FAM83B: variants seen among roughly 807,000 people sequenced by gnomAD.
FAM83B encodes the protein protein FAM83B.
In FAM83B, 26 loss-of-function variants were observed where a neutral mutation model predicts 38.8. The observed-to-expected ratio is 0.67, with a 90% CI of 0.49 to 0.93. The LOEUF (loss-of-function observed/expected upper bound fraction) is 0.93. Ranked by LOEUF, FAM83B falls within the 40% of genes least tolerant of loss-of-function variation. The pLI is 0.00. For synonymous variants in FAM83B, 419 were observed against 423.1 expected (o/e 0.99, Z 0.12); for missense variants, 1,237 against 1,197.3 (o/e 1.03, Z -0.49).
At chr6:54,895,311 T>C (rs1772503427) in intron 2 of FAM83B, among the ~76,000 whole-genome samples, 1 of 152,206 alleles carries the variant, frequency 6.6e-6, no homozygotes, top group Non-Finnish European at 1.5e-5. Context: ...TTGGGACAGA[T>C]TCAATAGCAT....
At chr6:54,889,858 T>G (rs576880030) in intron 2 of FAM83B, among the ~76,000 whole-genome samples, 2 of 152,254 alleles carry the variant, frequency 1.3e-5, no homozygotes, top group East Asian at 3.9e-4. Flanking sequence ...TAAGTACTCA[T>G]GGCTTTAAAG....
chr6:54,871,745 CAAAAAA>C (rs34323872), intron 2 of FAM83B, among the ~76,000 whole-genome samples: 237 of 29,008 alleles, frequency 8.2e-3, no homozygotes, highest in Non-Finnish European at 0.012. Flanking sequence ...CCTGTCTCAC[CAAAAAA>C]AAAAAAAAAA....
chr6:54,864,671 A>C (rs1172497462), intron 1 of FAM83B, among the ~76,000 whole-genome samples: 1 of 152,202 alleles, frequency 6.6e-6, no homozygotes, highest in Non-Finnish European at 1.5e-5. Flanking sequence ...TTCATGTTTT[A>C]ATTGTTATCT....
In FAM83B at chr6:54,940,947, T is replaced by C. The variant is rs1283645993; in HGVS notation, c.1976T>C (p.Leu659Pro). 2 of 1,613,376 alleles carry C rather than the reference T, an allele frequency of 1.2e-6. No individual in the cohort carries two copies. Among genetic ancestry groups the C allele is most frequent in the Admixed American group, 1.7e-5 (1 of 59,834 alleles). ...CTAAAGAATCAACAGACTGAGAATC[T>C]ACTTAAAAGGCGAAGTTTCCCGTTA... is the stretch of plus-strand genomic sequence containing the variant. ...ENLKNQQTEN[L>P]LKRRSFPLFD... The change falls in exon 5 of 5, where the codon CTA becomes CCA. Residue 659 changes from leucine to proline, a missense_variant. Leu to Pro is a moderately conservative substitution (Grantham distance 98). Coordinates refer to ENST00000306858, the MANE Select transcript of FAM83B (RefSeq NM_001010872.3).
chr6:54,865,065 G>A (rs959426203), intron 1 of FAM83B, among the ~76,000 whole-genome samples: 5 of 152,124 alleles, frequency 3.3e-5, no homozygotes, highest in African/African-American at 1.2e-4. Flanking sequence ...AAATTTTGAA[G>A]GTTTCAAAAT....
At chr6:54,850,852 C>G (rs940798695) in intron 1 of FAM83B, among the ~76,000 whole-genome samples, 1 of 151,810 alleles carries the variant, frequency 6.6e-6, no homozygotes. Flanking sequence ...AACGCCGTCT[C>G]TACTAAAAAT....
intron 2 of FAM83B, among the ~76,000 whole-genome samples, chr6:54,922,838 G>A (rs1773200893): frequency 1.3e-5 from 2 of 151,918 alleles, no homozygotes; most frequent in Non-Finnish European, 2.9e-5. Flanking sequence ...ACATTATGCT[G>A]TATATTGCCA....
intron 2 of FAM83B, among the ~76,000 whole-genome samples, chr6:54,911,350 A>T (rs1772905997): frequency 6.6e-6 from 1 of 152,114 alleles, no homozygotes. Context: ...GTCTAAAAAA[A>T]TAGTGAGATG....
At chr6:54,890,784 T>TATC (rs909894788) in intron 2 of FAM83B, among the ~76,000 whole-genome samples, 1 of 152,118 alleles carries the variant, frequency 6.6e-6, no homozygotes, top group Admixed American at 6.6e-5. Context: ...TTTACACATT[T>TATC]ATCATGTGCA....
intron 1 of FAM83B, among the ~76,000 whole-genome samples, chr6:54,862,609 C>G (rs1771612312): frequency 6.6e-6 from 1 of 152,078 alleles, no homozygotes. Flanking sequence ...GGGCACGGTG[C>G]CTCATGCCTG....
intron 2 of FAM83B, among the ~76,000 whole-genome samples, chr6:54,885,160 C>CA (rs1024851509): frequency 7.4e-5 from 11 of 147,654 alleles, no homozygotes; most frequent in African/African-American, 7.4e-5. Context: ...GTCAACTTTC[C>CA]AAAAAAAAAA....
intron 4 of FAM83B, among the ~76,000 whole-genome samples, chr6:54,934,939 C>T (rs1263386242): frequency 6.6e-6 from 1 of 152,158 alleles, no homozygotes; most frequent in Admixed American, 6.6e-5. Flanking sequence ...TCCTATAAGT[C>T]AGCCACCACT....
intron 2 of FAM83B, among the ~76,000 whole-genome samples, chr6:54,926,086 C>G (rs1002442176): frequency 6.6e-6 from 1 of 152,128 alleles, no homozygotes; most frequent in Non-Finnish European, 1.5e-5. Flanking sequence ...GTCTTGAAAT[C>G]CATGATTTGG....
rs1773738675 is a variant in FAM83B, at chr6:54,942,977, A to T, written c.*970A>T. 1.3e-5 allele frequency among the ~76,000 whole-genome samples: 2 copies of T among 151,238 alleles called. No individual in the cohort carries two copies. ...GAGTGCAGTGGCGCAATCTTGGCTC[A>T]CTGCAACCTCTGCCTCCCAAGTTCA... On this transcript the variant is annotated 3_prime_UTR_variant, in exon 5 of 5. Coordinates refer to ENST00000306858, the MANE Select transcript of FAM83B (RefSeq NM_001010872.3).
intron 2 of FAM83B, among the ~76,000 whole-genome samples, chr6:54,875,593 T>C (rs1437593250): frequency 6.6e-6 from 1 of 152,178 alleles, no homozygotes; most frequent in Non-Finnish European, 1.5e-5. Flanking sequence ...TATATATTTA[T>C]GTTTGAGTGT....
chr6:54,910,770 A>C (rs1772889322), intron 2 of FAM83B, among the ~76,000 whole-genome samples: 1 of 152,144 alleles, frequency 6.6e-6, no homozygotes, highest in Admixed American at 6.5e-5. Flanking sequence ...GAATGATAGA[A>C]TCCCCTTTGC....
intron 2 of FAM83B, among the ~76,000 whole-genome samples, chr6:54,895,678 G>A (rs1487188050): frequency 3.3e-5 from 5 of 152,052 alleles, no homozygotes; most frequent in Non-Finnish European, 5.9e-5. Flanking sequence ...TTTGTTGAGA[G>A]GGACTTCTAC....
At chr6:54,855,553 T>C (rs935949871) in intron 1 of FAM83B, among the ~76,000 whole-genome samples, 4 of 152,244 alleles carry the variant, frequency 2.6e-5, no homozygotes, top group Admixed American at 1.3e-4. Context: ...AGCTCTGTTA[T>C]TAACATAAGG....
At chr6:54,897,703 A>G (rs1772571335) in intron 2 of FAM83B, among the ~76,000 whole-genome samples, 1 of 152,212 alleles carries the variant, frequency 6.6e-6, no homozygotes, top group African/African-American at 2.4e-5. Flanking sequence ...AGAAATTTAA[A>G]CAACATGAAG....
Sources: gnomAD v4.1 joint callset for allele counts (sites outside exome capture counted in the v4.1 genomes callset) on GRCh38, gnomAD v4.1.1 for gene constraint, MANE v1.5 for transcripts, NCBI Gene and HGNC (gene_info 2026-07-23, HGNC 2026-07-21) for gene names.